Variants in ASB3 observed in about 807,000 individuals in gnomAD.
The protein encoded by ASB3 is ankyrin repeat and SOCS box protein 3.
Under a neutral mutation model 54.5 loss-of-function variants are expected in ASB3, and 41 were observed. The observed-to-expected ratio is 0.75, with a 90% confidence interval of 0.59 to 0.98. The LOEUF is 0.98. ASB3 is among the 50% of genes least tolerant of loss of function. ASB3 has a pLI of 0.00. For synonymous variants in ASB3, 266 were observed against 221.2 expected, an observed-to-expected ratio of 1.20 and a Z score of -1.80; for missense variants, 733 against 620.0, an observed-to-expected ratio of 1.18 and a Z score of -1.94.
chr2:53,721,292 C>T (rs376289406), intron 5 of ASB3, among the ~76,000 whole-genome samples: 27 of 150,846 alleles, frequency 1.8e-4, no homozygotes, highest in African/African-American at 5.1e-4. Flanking sequence ...CAGTGGTTCA[C>T]GCCTGTAATC....
intron 7 of ASB3, among the ~76,000 whole-genome samples, chr2:53,700,807 G>C (rs1038281158): frequency 4.6e-5 from 7 of 152,052 alleles, no homozygotes; most frequent in Admixed American, 2.0e-4. Flanking sequence ...ATCATTGACA[G>C]AAAACTCAAA....
At chr2:53,705,132 G>T (rs945282748) in intron 7 of ASB3, among the ~76,000 whole-genome samples, 3 of 152,096 alleles carry the variant, frequency 2.0e-5, no homozygotes, top group African/African-American at 7.2e-5. Context: ...ATTCTAGAAT[G>T]AAAAATAAAA....
At chr2:53,680,971 G>C (rs976751767) in intron 9 of ASB3, among the ~76,000 whole-genome samples, 4 of 151,824 alleles carry the variant, frequency 2.6e-5, no homozygotes, top group Non-Finnish European at 1.5e-5. Context: ...AAAAAAGTGA[G>C]AACATGCTAA....
chr2:53,727,841 T>A (rs886440364), intron 5 of ASB3, among the ~76,000 whole-genome samples: 1 of 152,126 alleles, frequency 6.6e-6, no homozygotes, highest in Admixed American at 6.5e-5. Flanking sequence ...TTCTCATGTC[T>A]CAGCTTCCCT....
intron 3 of ASB3, among the ~76,000 whole-genome samples, chr2:53,741,525 T>G (rs949958379): frequency 1.3e-5 from 2 of 152,224 alleles, no homozygotes; most frequent in Non-Finnish European, 2.9e-5. Flanking sequence ...GGTTCAAGCT[T>G]CTTATATAAA....
intron 3 of ASB3, among the ~76,000 whole-genome samples, chr2:53,736,323 T>C (rs1671624863): frequency 6.6e-6 from 1 of 152,094 alleles, no homozygotes; most frequent in African/African-American, 2.4e-5. Context: ...ATATTTAAAA[T>C]GAAACACAGA....
Position 53,707,360 on chromosome 2 carries a change from G to T in ASB3, c.981-6832C>A, listed in dbSNP as rs935553740. Among the ~76,000 whole-genome samples the T allele has an allele frequency of 5.5e-4, 84 of 152,160 alleles. 1 individual carries two copies. The highest frequency in any genetic ancestry group is 6.5e-4 in the African/African-American group (27 of 41,436). On this transcript the variant is annotated intron_variant, in intron 7 of 9. Transcript: ENST00000263634. ...TAGCTTGTTAGAAATGCAGAGTATG[G>T]GCCAGGTGTGGTGGCTCACGCCTGT...
chr2:53,750,693 G>A, intron 3 of ASB3, 90 bp downstream of exon 3: 1 of 1,344,812 alleles, frequency 7.4e-7, no homozygotes, highest in Non-Finnish European at 9.7e-7. Flanking sequence ...CATACTATAA[G>A]CACAACAGCT....
chr2:53,716,833 C>A (rs114065266), intron 5 of ASB3, 90 bp from the exon 6 acceptor site: 5 of 1,379,126 alleles, frequency 3.6e-6, no homozygotes, highest in Non-Finnish European at 3.9e-6. Flanking sequence ...AAAAGGGTTT[C>A]GTAGCACGGT....
intron 9 of ASB3, among the ~76,000 whole-genome samples, chr2:53,687,717 T>G (rs1028819103): frequency 2.0e-5 from 3 of 152,236 alleles, no homozygotes; most frequent in East Asian, 1.9e-4. Flanking sequence ...GGGCTTTGCA[T>G]ATTAATGTTT....
chr2:53,714,282 C>CGTTA (rs1269950330), intron 7 of ASB3, 102 bp downstream of exon 7: 39 of 1,419,526 alleles, frequency 2.7e-5, no homozygotes, highest in Non-Finnish European at 3.6e-5. Context: ...CAATTTAGCA[C>CGTTA]TAACAGAGAT....
chr2:53,781,737 C>T (rs1460398901), intron 1 of ASB3, among the ~76,000 whole-genome samples: 1 of 152,190 alleles, frequency 6.6e-6, no homozygotes, highest in South Asian at 2.1e-4. Flanking sequence ...TCAGGTGATC[C>T]GCCTGCCTCA....
intron 2 of ASB3, among the ~76,000 whole-genome samples, chr2:53,760,926 C>T (rs1052319371): frequency 3.3e-5 from 5 of 152,088 alleles, no homozygotes; most frequent in African/African-American, 1.2e-4. Context: ...TACCGTGGAC[C>T]CCTGGAACAG....
At chr2:53,770,475 G>A (rs1673820892) in intron 1 of ASB3, among the ~76,000 whole-genome samples, 1 of 139,774 alleles carries the variant, frequency 7.2e-6, no homozygotes, top group Non-Finnish European at 1.5e-5. Flanking sequence ...ACAGCCTTTG[G>A]TACTCCGTGG....
intron 8 of ASB3, 101 bp from the exon 9 acceptor site, chr2:53,694,115 G>C (rs1331280449): frequency 7.2e-7 from 1 of 1,398,592 alleles, no homozygotes; most frequent in Non-Finnish European, 9.7e-7. Flanking sequence ...ATCTCAATGA[G>C]GAGGGCAGAC....
At chr2:53,763,894 T>C (rs528047276) in intron 2 of ASB3, among the ~76,000 whole-genome samples, 39 of 152,348 alleles carry the variant, frequency 2.6e-4, no homozygotes, top group South Asian at 1.5e-3. Context: ...ATTTTTCCAC[T>C]ATCTTCAAAC....
Position 53,722,540 on chromosome 2 carries a change from G to C in ASB3, c.605-5797C>G, listed in dbSNP as rs1268080654. 2.0e-5 allele frequency among the ~76,000 whole-genome samples: 3 copies of C among 152,176 alleles called. No homozygotes were observed. In the East Asian group the frequency reaches 5.8e-4, roughly 29 times the overall value. On this transcript the variant is annotated intron_variant, in intron 5 of 9. Coordinates refer to ENST00000263634, the MANE Select transcript of ASB3 (RefSeq NM_016115.5). ...GTTCCATATATGCAAATGAATAATT[G>C]GGATTCACCACGTAAAGAAAATTAA...
At chr2:53,710,121 C>T (rs749126044) in intron 7 of ASB3, among the ~76,000 whole-genome samples, 2 of 152,228 alleles carry the variant, frequency 1.3e-5, no homozygotes, top group Admixed American at 6.5e-5. Context: ...CAAGCCTGAA[C>T]TGCCCACCAA....
intron 8 of ASB3, among the ~76,000 whole-genome samples, chr2:53,696,132 A>G (rs1428453022): frequency 5.9e-5 from 9 of 152,208 alleles, no homozygotes; most frequent in Admixed American, 4.6e-4. Context: ...GACCATGTTA[A>G]GCATTTTCAT....
Sources: allele counts gnomAD v4.1 joint callset (sites outside exome capture counted in the v4.1 genomes callset), GRCh38; gene constraint gnomAD v4.1.1; transcripts MANE v1.5; gene names NCBI Gene and HGNC (gene_info 2026-07-23, HGNC 2026-07-21).